Variants in MAN2A1 observed in about 807,000 individuals in gnomAD.
MAN2A1 encodes the protein mannosidase alpha class 2A member 1, also known as alpha-mannosidase 2.
A neutral mutation model predicts 142.6 loss-of-function variants in MAN2A1; 76 were observed. The observed-to-expected ratio is 0.53, with a 90% confidence interval of 0.44 to 0.65. MAN2A1 has a LOEUF of 0.65. MAN2A1 is among the 30% of genes least tolerant of loss of function. The probability of loss-of-function intolerance (pLI) is 0.00; values close to 1 mark genes in which losing one functional copy is unlikely to be tolerated. For synonymous variants in MAN2A1, 559 were observed against 473.2 expected (o/e 1.18, Z -2.35); for missense variants, 1,311 against 1,365.1 (o/e 0.96, Z 0.62).
In MAN2A1 at chr5:109,729,254, G is replaced by A. The variant is rs553153954; in HGVS notation, c.536-88G>A. 38 of 749,996 alleles carry A rather than the reference G, an allele frequency of 5.1e-5. No homozygotes were observed. The South Asian group carries it at 7.2e-4, about 14-fold the overall frequency. 46.5% of individuals were successfully genotyped at this position (749,996 alleles called of 1,614,324 possible). A position where few individuals can be genotyped will look rare whatever the true frequency, so the allele number is the denominator to read the frequency against. On this transcript the variant is annotated intron_variant, in intron 3 of 21. Coordinates refer to ENST00000261483, the MANE Select transcript of MAN2A1 (RefSeq NM_002372.4). ...TATGTCTATGAATGAAAATTCTAACGATGTCCAAAGTAATGCAATGGAATG... is the reference window on the plus strand; with the variant it reads ...TATGTCTATGAATGAAAATTCTAACAATGTCCAAAGTAATGCAATGGAATG...
chr5:109,700,279 CG>C (rs1280190665), intron 1 of MAN2A1, among the ~76,000 whole-genome samples: 6 of 113,574 alleles, frequency 5.3e-5, no homozygotes, highest in African/African-American at 2.4e-4. Context: ...GAAGTTTTGC[CG>C]GTTTTTTTTT....
At position 109,732,839 on chromosome 5, in the gene MAN2A1, G is replaced by A. The variant is rs866260506; in HGVS notation, c.707+3326G>A. Among the ~76,000 whole-genome samples the A allele has an allele frequency of 1.8e-4, 28 of 151,436 alleles. No homozygotes were observed. The South Asian group carries it at 2.9e-3, about 16-fold the overall frequency. ...TCTTTTGGCTTAGGATTGACTTGGC[G>A]ATGCGGGCTCTTTTTTGGTTCCATA... On this transcript the variant is annotated intron_variant, in intron 4 of 21. Coordinates refer to ENST00000261483, the MANE Select transcript of MAN2A1 (RefSeq NM_002372.4).
At chr5:109,834,884 T>A (rs1342476778) in intron 16 of MAN2A1, among the ~76,000 whole-genome samples, 1 of 152,178 alleles carries the variant, frequency 6.6e-6, no homozygotes, top group East Asian at 1.9e-4. Context: ...TAATGAATGG[T>A]AAATTGAGTG....
intron 1 of MAN2A1, among the ~76,000 whole-genome samples, chr5:109,710,732 C>T (rs910990856): frequency 4.6e-5 from 7 of 151,946 alleles, no homozygotes; most frequent in Non-Finnish European, 7.4e-5. Context: ...CTCTTGTTGC[C>T]GAGCCTGGGG....
chr5:109,848,357 T>C (rs1755394201), intron 19 of MAN2A1, among the ~76,000 whole-genome samples: 1 of 152,218 alleles, frequency 6.6e-6, no homozygotes, highest in African/African-American at 2.4e-5. Context: ...GGCAAAGTTA[T>C]CTTCAGAGTT....
intron 12 of MAN2A1, among the ~76,000 whole-genome samples, chr5:109,792,922 T>C (rs1483741966): frequency 6.6e-6 from 1 of 152,070 alleles, no homozygotes; most frequent in East Asian, 1.9e-4. Flanking sequence ...AAAGTGAGTT[T>C]TCTGGGTAGA....
intron 3 of MAN2A1, 152 bp downstream of exon 3, chr5:109,716,416 GT>G: frequency 1.7e-6 from 1 of 591,078 alleles, no homozygotes; most frequent in Non-Finnish European, 2.9e-6. Flanking sequence ...GTGTCATTAT[GT>G]TTTAGTGTTC....
At chr5:109,812,685 G>A (rs1264389079) in intron 12 of MAN2A1, among the ~76,000 whole-genome samples, 1 of 152,084 alleles carries the variant, frequency 6.6e-6, no homozygotes, top group African/African-American at 2.4e-5. Context: ...AATATTGAAT[G>A]TGCCATTTGC....
intron 21 of MAN2A1, chr5:109,865,438 C>T (rs1002348505): frequency 5.6e-6 from 2 of 354,632 alleles, no homozygotes; most frequent in Non-Finnish European, 1.1e-5. Context: ...GCTCCCAGTC[C>T]CCCAGTTTTC....
chr5:109,842,296 C>A (rs754190001), intron 16 of MAN2A1, 32 bp from the exon 17 acceptor site: 122 of 1,397,024 alleles, frequency 8.7e-5, no homozygotes, highest in Non-Finnish European at 1.1e-4. Context: ...TAATTTCTTT[C>A]TATTAATCCA....
intron 8 of MAN2A1, among the ~76,000 whole-genome samples, chr5:109,776,935 A>G (rs1368695893): frequency 6.6e-6 from 1 of 152,122 alleles, no homozygotes; most frequent in African/African-American, 2.4e-5. Context: ...ATTCCTTTTT[A>G]GTACTGTGTA....
At chr5:109,728,242 G>A (rs967629919) in intron 3 of MAN2A1, among the ~76,000 whole-genome samples, 1 of 151,950 alleles carries the variant, frequency 6.6e-6, no homozygotes, top group Non-Finnish European at 1.5e-5. Context: ...GCCCTGGCAG[G>A]CTTTTATTTT....
rs547698239 is a variant in MAN2A1 at position 109,759,857 on chromosome 5, T to G, written c.835+4401T>G. 2.2e-4 allele frequency among the ~76,000 whole-genome samples: 34 copies of G among 152,202 alleles called. No individual in the cohort carries two copies. The East Asian group carries it at 6.4e-3, about 29-fold the overall frequency. On this transcript the variant is annotated intron_variant, in intron 5 of 21. Coordinates refer to ENST00000261483, the MANE Select transcript of MAN2A1 (RefSeq NM_002372.4). The stretch of plus-strand genomic sequence containing the variant: ...GCATTTCTATGATGACTAATGATGC[T>G]GAGTATGTTTTGTTGTGCTTATTGG...
At chr5:109,729,108 T>C (rs1379464729) in intron 3 of MAN2A1, among the ~76,000 whole-genome samples, 1 of 152,158 alleles carries the variant, frequency 6.6e-6, no homozygotes, top group Non-Finnish European at 1.5e-5. Flanking sequence ...TTTTTCTCAT[T>C]TCTATCTGAA....
rs187236456 is a variant in MAN2A1, at chr5:109,868,333, A to C, written c.*1335A>C. 18 of 152,370 alleles carry C rather than the reference A, an allele frequency of 1.2e-4. No individual in the cohort carries two copies. Among genetic ancestry groups the C allele is most frequent in the Admixed American group, 1.2e-3 (18 of 15,304 alleles). 9.4% of individuals were successfully genotyped at this position (152,370 alleles called of 1,614,324 possible). ...TGAAGTTCTGAGCCCGTGTGCCATT[A>C]CAGTGCTTTTAATAAAATTTATTTG... On this transcript the variant is annotated 3_prime_UTR_variant, in exon 22 of 22. Coordinates refer to ENST00000261483, the MANE Select transcript of MAN2A1 (RefSeq NM_002372.4).
intron 5 of MAN2A1, among the ~76,000 whole-genome samples, chr5:109,763,244 G>A (rs1752900410): frequency 6.6e-6 from 1 of 152,144 alleles, no homozygotes; most frequent in South Asian, 2.1e-4. Flanking sequence ...GCCTAATACA[G>A]TGGCCTTCCA....
At chr5:109,775,570 G>A (rs563774838) in intron 8 of MAN2A1, among the ~76,000 whole-genome samples, 1 of 151,676 alleles carries the variant, frequency 6.6e-6, no homozygotes, top group South Asian at 2.1e-4. Context: ...CCATGGCTCA[G>A]CTGCAGCATT....
At position 109,693,934 on chromosome 5, in the gene MAN2A1, T is replaced by C. The variant is rs371313966; in HGVS notation, c.135+3382T>C. Among the ~76,000 whole-genome samples, 285 of 152,364 alleles carry C rather than the reference T, an allele frequency of 1.9e-3. 3 individuals are homozygous for C. In the South Asian group the frequency reaches 0.025, roughly 13 times the overall value. ...AGAGACTAATGTCTTGAAAATGCTT[T>C]ATGATAACTTGGAAGAATTTGAGCA... On this transcript the variant is annotated intron_variant, in intron 1 of 21. Transcript: ENST00000261483.
intron 15 of MAN2A1, among the ~76,000 whole-genome samples, chr5:109,821,147 A>G (rs1580287031): frequency 6.6e-6 from 1 of 152,198 alleles, no homozygotes; most frequent in East Asian, 1.9e-4. Context: ...ACCATTGCCA[A>G]CATTTGGATG....
Sources: allele counts gnomAD v4.1 joint callset (sites outside exome capture counted in the v4.1 genomes callset), GRCh38; gene constraint gnomAD v4.1.1; transcripts MANE v1.5; gene names NCBI Gene and HGNC (gene_info 2026-07-23, HGNC 2026-07-21).